The following ZNF845 variants were observed in gnomAD, a reference collection of about 807,000 sequenced individuals.
ZNF845 encodes zinc finger protein 845.
A neutral mutation model predicts 76.1 loss-of-function variants in ZNF845; 59 were observed. The observed-to-expected ratio is 0.78, with a 90% CI of 0.63 to 0.96. The LOEUF is 0.96. Ranked by LOEUF, ZNF845 falls within the 40% of genes least tolerant of loss-of-function variation. The pLI, the probability that ZNF845 is intolerant of heterozygous loss-of-function variation, is 0.00. For missense variants in ZNF845, 1,045 were observed against 1,172.8 expected, an observed-to-expected ratio of 0.89 and a Z score of 1.59; for synonymous variants, 361 against 386.9, an observed-to-expected ratio of 0.93 and a Z score of 0.78.
At position 53,351,425 on chromosome 19, in the gene ZNF845, G is replaced by A. The variant is rs770198839; in HGVS notation, c.750G>A (p.Lys250=). The A allele has an allele frequency of 6.2e-7, 1 of 1,614,196 alleles. No individual in the cohort carries two copies. The highest frequency in any genetic ancestry group is 2.2e-5 in the East Asian group (1 of 44,880). The change falls in exon 4 of 4, where the codon AAG becomes AAA. Residue 250 remains lysine (K), a synonymous_variant. Coordinates refer to ENST00000458035, the MANE Select transcript of ZNF845 (RefSeq NM_138374.3). ...AATATAAATGTGATGTGTGTGGCAAGGTCTTTAATCAAAAGCGATATCTTG... is the reference window on the plus strand; with the variant it reads ...AATATAAATGTGATGTGTGTGGCAAAGTCTTTAATCAAAAGCGATATCTTG... ...AKQYKCDVCG[K]VFNQKRYLAC...
Position 53,352,916 on chromosome 19 carries a change from C to T in ZNF845, c.2241C>T (p.Tyr747=), listed in dbSNP as rs2085353146. 6.2e-7 allele frequency: 1 copy of T among 1,614,030 alleles called. No individual in the cohort carries two copies. The highest frequency in any genetic ancestry group is 1.7e-5 in the Admixed American group (1 of 59,996). ...HLRLHTGEKP[Y]KCEECDKVFS... is the part of the protein sequence containing the mutation. Reference sequence around the variant, plus strand: ...GACTTCATACTGGAGAGAAACCTTACAAATGTGAAGAATGTGACAAAGTTT... The same window carrying T: ...GACTTCATACTGGAGAGAAACCTTATAAATGTGAAGAATGTGACAAAGTTT... The change falls in exon 4 of 4, where the codon TAC becomes TAT. Residue 747 remains tyrosine (Y), a synonymous_variant. Transcript: ENST00000458035.
Position 53,353,723 on chromosome 19 carries a change from C to A in ZNF845, c.*135C>A. On this transcript the variant is annotated 3_prime_UTR_variant, in exon 4 of 4. Coordinates refer to ENST00000458035, the MANE Select transcript of ZNF845 (RefSeq NM_138374.3). Reference sequence around the variant, plus strand: ...TGGGCGTGATTCACACCTGGCCCAACAAACTAGAAGTCACACTGGAGAGAA... The same window carrying A: ...TGGGCGTGATTCACACCTGGCCCAAAAAACTAGAAGTCACACTGGAGAGAA... 6.6e-7 allele frequency: 1 copy of A among 1,524,566 alleles called. No homozygotes were observed. Among genetic ancestry groups the A allele is most frequent in the Non-Finnish European group, 8.8e-7 (1 of 1,140,098 alleles). 94.4% of individuals were successfully genotyped at this position (1,524,566 alleles called of 1,614,324 possible).
chr19:53,350,904 C>A lies in ZNF845; in HGVS notation c.229C>A (p.His77Asn). ...GATCCACACAGGGACATTGCAAAGA[C>A]ATGAACGTCATCACATTGGAGATTT... ...EVIHTGTLQR[H>N]ERHHIGDFCF... Residue 77 changes from histidine to asparagine, a missense_variant, in exon 4 of 4, where the codon CAT becomes AAT. His to Asn is a moderately conservative substitution (Grantham distance 68). Transcript: ENST00000458035. 6.2e-7 allele frequency: 1 copy of A among 1,614,154 alleles called. No individual in the cohort carries two copies.
chr19:53,334,243 G>T (rs565225066), intron 1 of ZNF845, among the ~76,000 whole-genome samples: 2 of 152,270 alleles, frequency 1.3e-5, no homozygotes, highest in African/African-American at 4.8e-5. Flanking sequence ...GAGGTGCCCG[G>T]GGCTGTCCTA....
Position 53,356,709 on chromosome 19 carries a change from C to T in ZNF845, c.*3121C>T, listed in dbSNP as rs2085388884. On this transcript the variant is annotated 3_prime_UTR_variant, in exon 4 of 4. Coordinates refer to ENST00000458035, the MANE Select transcript of ZNF845 (RefSeq NM_138374.3). Reference sequence around the variant, plus strand: ...CTTTGGGAGGCTAAGGTGGGCGGATCACGAGGTCAGGAGATCGAGACCATC... The same window carrying T: ...CTTTGGGAGGCTAAGGTGGGCGGATTACGAGGTCAGGAGATCGAGACCATC... The T allele has an allele frequency of 6.6e-6, 1 of 152,022 alleles. No individual in the cohort carries two copies. Among genetic ancestry groups the T allele is most frequent in the Admixed American group, 6.5e-5 (1 of 15,268 alleles). The allele number at this position is 152,022 out of a possible 1,614,324, so 9.4% of individuals were successfully genotyped here.
chr19:53,342,575 G>C (rs1359551859), intron 2 of ZNF845, among the ~76,000 whole-genome samples: 1 of 152,038 alleles, frequency 6.6e-6, no homozygotes, highest in African/African-American at 2.4e-5. Context: ...CCTCATTGTG[G>C]AGCCGCTACT....
At chr19:53,340,514 G>A (rs941307320) in intron 1 of ZNF845, among the ~76,000 whole-genome samples, 16 of 152,090 alleles carry the variant, frequency 1.1e-4, no homozygotes, top group African/African-American at 2.9e-4. Context: ...CCGAACTTCC[G>A]TAAACGCATT....
Position 53,352,173 on chromosome 19 carries a change from T to C in ZNF845, c.1498T>C (p.Cys500Arg). ...AGAGAAACCTTACAAATGTGAAGAA[T>C]GTGATGAAGCTTTCAGTTTCAAATC... ...TGEKPYKCEE[C>R]DEAFSFKSNL... Residue 500 changes from cysteine (C) to arginine (R), a missense_variant, in exon 4 of 4, where the codon TGT becomes CGT. Coordinates refer to ENST00000458035, the MANE Select transcript of ZNF845 (RefSeq NM_138374.3). The C allele has an allele frequency of 6.2e-7, 1 of 1,614,038 alleles. No individual in the cohort carries two copies. Among genetic ancestry groups the C allele is most frequent in the Non-Finnish European group, 8.5e-7 (1 of 1,179,940 alleles).
intron 1 of ZNF845, chr19:53,340,956 G>T (rs2085252188): frequency 4.6e-6 from 2 of 435,448 alleles, no homozygotes; most frequent in South Asian, 1.0e-4. Context: ...CCAGGTCTCT[G>T]TTCTGATATC....
chr19:53,347,709 G>A lies in ZNF845; in HGVS notation c.142+2077G>A, dbSNP rs539399445. Among the ~76,000 whole-genome samples the A allele has an allele frequency of 6.6e-5, 10 of 152,302 alleles. No homozygotes were observed. In the East Asian group the frequency reaches 1.9e-3, roughly 29 times the overall value. ...TTTGTCAGCCTTCGGTGATGTTGAT[G>A]ATGAGATGTTCCTGTTCCTGTCTCA... On this transcript the variant is annotated intron_variant, in intron 3 of 3. Transcript: ENST00000458035.
chr19:53,350,617 T>C (rs2085326077), intron 3 of ZNF845, among the ~76,000 whole-genome samples: 5 of 152,202 alleles, frequency 3.3e-5, no homozygotes, highest in Admixed American at 2.0e-4. Flanking sequence ...ATATTGGAAA[T>C]AGGCTTCCAT....
Position 53,352,994 on chromosome 19 carries a change from A to G in ZNF845, c.2319A>G (p.Lys773=), listed in dbSNP as rs915737983. The G allele has an allele frequency of 1.9e-6, 3 of 1,613,916 alleles. No homozygotes were observed. The highest frequency in any genetic ancestry group is 2.5e-6 in the Non-Finnish European group (3 of 1,179,960). The change falls in exon 4 of 4, where the codon AAA becomes AAG. Residue 773 remains lysine, a synonymous_variant. Coordinates refer to ENST00000458035, the MANE Select transcript of ZNF845 (RefSeq NM_138374.3). ...EKHRRIHTGE[K]PYKCKVCDKA... ...ACAGGAGAATTCATACTGGAGAGAA[A>G]CCATACAAATGTAAGGTTTGTGACA...
At chr19:53,349,278 G>C (rs920382028) in intron 3 of ZNF845, among the ~76,000 whole-genome samples, 1 of 151,696 alleles carries the variant, frequency 6.6e-6, no homozygotes, top group Non-Finnish European at 1.5e-5. Context: ...AGAAATTGTG[G>C]CTTTTTTTCT....
chr19:53,354,068 T>TA lies in ZNF845; in HGVS notation c.*481dup. The TA allele has an allele frequency of 2.0e-6, 1 of 491,714 alleles. No individual in the cohort carries two copies. The highest frequency in any genetic ancestry group is 4.0e-6 in the Non-Finnish European group (1 of 252,966). 30.5% of individuals were successfully genotyped at this position (491,714 alleles called of 1,614,324 possible). On this transcript the variant is annotated 3_prime_UTR_variant, in exon 4 of 4. Transcript: ENST00000458035. Reference sequence around the variant, plus strand: ...ATCTTATGCAAAACAGGAGACTTCATACAGGAGACAAACTTCACAAGTATG... The same window carrying TA: ...ATCTTATGCAAAACAGGAGACTTCATAACAGGAGACAAACTTCACAAGTATG...
rs937191836 is a variant in ZNF845 at position 53,353,660 on chromosome 19, A to G, written c.*72A>G. ...AAAGACAGGAGAATTCATACTGGAG[A>G]GAAAGCTTACAAATGTAAGAGTTTG... On this transcript the variant is annotated 3_prime_UTR_variant, in exon 4 of 4. Transcript: ENST00000458035. 2.6e-6 allele frequency: 4 copies of G among 1,520,536 alleles called. No individual in the cohort carries two copies. The highest frequency in any genetic ancestry group is 1.8e-4 in the Middle Eastern group (1 of 5,692). 94.2% of individuals were successfully genotyped at this position (1,520,536 alleles called of 1,614,324 possible).
intron 1 of ZNF845, among the ~76,000 whole-genome samples, chr19:53,338,720 A>G (rs943730815): frequency 8.9e-5 from 9 of 100,728 alleles, no homozygotes; most frequent in South Asian, 2.8e-4. Context: ...ACACACACAC[A>G]CGCACACACA....
chr19:53,343,986 A>AT (rs56078207), intron 2 of ZNF845, among the ~76,000 whole-genome samples: 3,954 of 146,010 alleles, frequency 0.027, 56 homozygotes, highest in Middle Eastern at 0.033. Context: ...TGCCCGGCTG[A>AT]TTTTTTTTTT....
chr19:53,338,132 C>A (rs2085228931), intron 1 of ZNF845, among the ~76,000 whole-genome samples: 1 of 152,154 alleles, frequency 6.6e-6, no homozygotes, highest in Admixed American at 6.5e-5. Context: ...GCTGAGGCGT[C>A]TTCAGGGAAG....
intron 1 of ZNF845, 21 bp from the exon 2 acceptor site, chr19:53,341,214 C>T (rs1260398026): frequency 2.4e-5 from 37 of 1,551,190 alleles, no homozygotes; most frequent in Non-Finnish European, 3.3e-5. Flanking sequence ...GAGCAATAAA[C>T]AACATATTTT....
Sources: gnomAD v4.1 joint callset for allele counts (sites outside exome capture counted in the v4.1 genomes callset) on GRCh38, gnomAD v4.1.1 for gene constraint, MANE v1.5 for transcripts, NCBI Gene and HGNC (gene_info 2026-07-23, HGNC 2026-07-21) for gene names.